PMEL: variants seen among roughly 807,000 people sequenced by gnomAD.
PMEL encodes the protein melanocyte protein PMEL.
In PMEL, 53 loss-of-function variants were observed where a neutral mutation model predicts 64.9. The observed-to-expected ratio is 0.82, with a 90% CI of 0.66 to 1.03. The LOEUF (loss-of-function observed/expected upper bound fraction) is 1.03. Among genes scored for constraint, PMEL ranks in the 50% least tolerant of loss-of-function variants. PMEL has a pLI of 0.00. For missense variants in PMEL, 716 were observed against 814.9 expected, an observed-to-expected ratio of 0.88 and a Z score of 1.48; for synonymous variants, 299 against 316.2, an observed-to-expected ratio of 0.95 and a Z score of 0.58.
intron 1 of PMEL, among the ~76,000 whole-genome samples, chr12:55,964,137 C>T (rs566739781): frequency 1.3e-5 from 2 of 151,808 alleles, no homozygotes; most frequent in South Asian, 4.2e-4. Flanking sequence ...TGCTCACCAC[C>T]AAGCCTGGCT....
At chr12:55,959,784 G>A (rs559503894) in intron 3 of PMEL, among the ~76,000 whole-genome samples, 6 of 152,190 alleles carry the variant, frequency 3.9e-5, no homozygotes, top group Admixed American at 3.3e-4. Context: ...CAGCCTGAGC[G>A]ACACAGCGAG....
chr12:55,956,261 G>T, intron 6 of PMEL, 42 bp from the exon 7 acceptor site: 2 of 1,293,462 alleles, frequency 1.5e-6, no homozygotes, highest in South Asian at 2.4e-5. Flanking sequence ...AGAGACAGAT[G>T]ACTCATCTGG....
chr12:55,964,866 C>T (rs1450049267), intron 1 of PMEL, among the ~76,000 whole-genome samples: 2 of 151,178 alleles, frequency 1.3e-5, no homozygotes, highest in Non-Finnish European at 2.9e-5. Flanking sequence ...ATCCACCCGT[C>T]TCAGCCTCTC....
At position 55,957,045 on chromosome 12, in the gene PMEL, T is replaced by G. The variant is rs1194513691; in HGVS notation, c.1258A>C (p.Thr420Pro). 6.2e-7 allele frequency: 1 copy of G among 1,614,060 alleles called. No homozygotes were observed. Among genetic ancestry groups the G allele is most frequent in the East Asian group, 2.2e-5 (1 of 44,884 alleles). Residue 420 changes from threonine (T) to proline (P), a missense_variant, in exon 6 of 11, where the codon ACT becomes CCT. Thr to Pro is a conservative substitution (Grantham distance 38). Coordinates refer to ENST00000548747, the MANE Select transcript of PMEL (RefSeq NM_001384361.1). ...GCTGTGGTCTCCACCCACTCTGTAGTTGTTACCTGTGCAGCTGTGGTTCCA... is the reference window on the plus strand; with the variant it reads ...GCTGTGGTCTCCACCCACTCTGTAGGTGTTACCTGTGCAGCTGTGGTTCCA... ...LSGTTAAQVTTTEWVETTARE... is the reference protein window; with the variant it reads ...LSGTTAAQVTPTEWVETTARE...
intron 10 of PMEL, 103 bp downstream of exon 10, chr12:55,955,171 C>A (rs1392836865): frequency 1.1e-6 from 1 of 898,150 alleles, no homozygotes; most frequent in Non-Finnish European, 1.9e-6. Flanking sequence ...TTCCTGGACA[C>A]CATGCTTCCT....
intron 10 of PMEL, 114 bp from the exon 11 acceptor site, chr12:55,954,463 T>A: frequency 9.7e-7 from 1 of 1,033,932 alleles, no homozygotes. Flanking sequence ...TGATCCTAGC[T>A]TCCTCCCCTT....
chr12:55,958,044 C>T lies in PMEL; in HGVS notation c.510G>A (p.Leu170=), dbSNP rs565556951. The T allele has an allele frequency of 2.2e-5, 36 of 1,614,210 alleles. No homozygotes were observed. In the East Asian group the frequency reaches 7.6e-4, roughly 34 times the overall value. The change falls in exon 5 of 11, where the codon CTG becomes CTA. Residue 170 remains leucine (L), a synonymous_variant. Coordinates refer to ENST00000548747, the MANE Select transcript of PMEL (RefSeq NM_001384361.1). The part of the protein sequence containing the change: ...WQVLGGPVSG[L]SIGTGRAMLG... Reference sequence around the variant, plus strand: ...GCATTGCCCTGCCTGTCCCAATGCTCAGCCCAGACACTGGGCCCCCTAGAA... The same window carrying T: ...GCATTGCCCTGCCTGTCCCAATGCTTAGCCCAGACACTGGGCCCCCTAGAA...
chr12:55,955,473 TAAGCTGGGTGCTG>T lies in PMEL; in HGVS notation c.1740_1752del (p.Thr582CysfsTer13). 1 of 1,614,016 alleles carries T rather than the reference TAAGCTGGGTGCTG, an allele frequency of 6.2e-7. No individual in the cohort carries two copies. Among genetic ancestry groups the T allele is most frequent in the Non-Finnish European group, 8.5e-7 (1 of 1,179,952 alleles). ...TTGTCCAAGGACCTACCAGGCATGATAAGCTGGGTGCTGACCACTGCCAGGCTGTTGGTATCAG... is the reference window on the plus strand; with the variant it reads ...TTGTCCAAGGACCTACCAGGCATGATACCACTGCCAGGCTGTTGGTATCAG... On this transcript the variant is annotated frameshift_variant, in exon 9 of 11. Coordinates refer to ENST00000548747, the MANE Select transcript of PMEL (RefSeq NM_001384361.1). LOFTEE classifies it high-confidence loss of function.
intron 1 of PMEL, among the ~76,000 whole-genome samples, chr12:55,964,194 C>T (rs1163120561): frequency 6.7e-6 from 1 of 149,890 alleles, no homozygotes; most frequent in African/African-American, 2.5e-5. Context: ...CTCTTGTTGC[C>T]CAGGCTGGAA....
intron 1 of PMEL, among the ~76,000 whole-genome samples, chr12:55,963,801 A>G (rs1380347129): frequency 6.6e-6 from 1 of 152,232 alleles, no homozygotes; most frequent in Non-Finnish European, 1.5e-5. Context: ...GGGCTGGGAT[A>G]TAATGTATGT....
At chr12:55,961,784 G>A in intron 1 of PMEL, 52 bp from the exon 2 acceptor site, 3 of 1,130,824 alleles carry the variant, frequency 2.7e-6, no homozygotes, top group Non-Finnish European at 2.7e-6. Context: ...TTCCTTCTCA[G>A]GGATAACACT....
rs1264096891 is a variant in PMEL at position 55,957,548 on chromosome 12, GC to G, written c.754del (p.Ala252LeufsTer18). The G allele has an allele frequency of 3.0e-5, 49 of 1,613,930 alleles. No homozygotes were observed. The highest frequency in any genetic ancestry group is 4.1e-5 in the Non-Finnish European group (48 of 1,179,980). On this transcript the variant is annotated frameshift_variant, in exon 6 of 11. Coordinates refer to ENST00000548747, the MANE Select transcript of PMEL (RefSeq NM_001384361.1). LOFTEE classifies it high-confidence loss of function. ...CCAGGTGTAGGAGAGGTCAGCTTCA[GC>G]CAGATAGCCACTGGGGTCATGGAGC... ...LQLHDPSGYLAEADLSYTWDF... is the reference protein window; with the variant it reads ...LQLHDPSGYLXEADLSYTWDF...
chr12:55,955,148 A>T, intron 10 of PMEL, 126 bp downstream of exon 10: 1 of 786,754 alleles, frequency 1.3e-6, no homozygotes, highest in African/African-American at 1.7e-5. Flanking sequence ...TCTAACTTAA[A>T]AGCCTGGGCT....
At chr12:55,956,822 A>G (rs1180742046) in intron 6 of PMEL, 127 bp downstream of exon 6, 4 of 987,128 alleles carry the variant, frequency 4.1e-6, no homozygotes, top group Non-Finnish European at 4.5e-6. Flanking sequence ...TAGCCAGGCC[A>G]GTGAGAACTC....
Position 55,966,000 on chromosome 12 carries a change from C to T in PMEL, c.12G>A (p.Val4=), listed in dbSNP as rs1889285872. 1 of 1,614,106 alleles carries T rather than the reference C, an allele frequency of 6.2e-7. No individual in the cohort carries two copies. The highest frequency in any genetic ancestry group is 1.3e-5 in the African/African-American group (1 of 74,946). The change falls in exon 1 of 11, where the codon GTG becomes GTA. Residue 4 remains valine (V), a synonymous_variant. Transcript: ENST00000548747. Reference sequence around the variant, plus strand: ...CCAAATGAAGAAGGCATCTTTTTAGCACCAGATCCATTGTGTTCTTCCCTC... The same window carrying T: ...CCAAATGAAGAAGGCATCTTTTTAGTACCAGATCCATTGTGTTCTTCCCTC... MDL[V]LKRCLLHLAV...
At chr12:55,958,444 G>C in intron 4 of PMEL, 29 bp downstream of exon 4, 1 of 1,608,526 alleles carries the variant, frequency 6.2e-7, no homozygotes. Flanking sequence ...CACAAGTGTG[G>C]ATGATAGGCT....
At position 55,959,665 on chromosome 12, in the gene PMEL, C is replaced by T. The variant is rs138646330; in HGVS notation, c.335-1058G>A. 5.1e-3 allele frequency among the ~76,000 whole-genome samples: 775 copies of T among 152,054 alleles called. 3 individuals carry two copies. The highest frequency in any genetic ancestry group is 0.01 in the Middle Eastern group (3 of 294). On this transcript the variant is annotated intron_variant, in intron 3 of 10. Transcript: ENST00000548747. ...ACTAAAAATACAAAAATTAGCCAGGCGTGCTGGCGGAAGCCTATAATCCCA... is the reference window on the plus strand; with the variant it reads ...ACTAAAAATACAAAAATTAGCCAGGTGTGCTGGCGGAAGCCTATAATCCCA...
chr12:55,954,129 T>G lies in PMEL; in HGVS notation c.*85A>C. On this transcript the variant is annotated 3_prime_UTR_variant, in exon 11 of 11. Coordinates refer to ENST00000548747, the MANE Select transcript of PMEL (RefSeq NM_001384361.1). Reference sequence around the variant, plus strand: ...ATCAGGCTCTGAGTATTTATTTCAGTTAATAGTAGTCTCCCAGGGAAGACT... The same window carrying G: ...ATCAGGCTCTGAGTATTTATTTCAGGTAATAGTAGTCTCCCAGGGAAGACT... The G allele has an allele frequency of 7.7e-7, 1 of 1,294,736 alleles. No homozygotes were observed. Among genetic ancestry groups the G allele is most frequent in the Non-Finnish European group, 1.1e-6 (1 of 933,832 alleles). The allele number at this position is 1,294,736 out of a possible 1,614,324, so 80.2% of individuals were successfully genotyped here. A position where few individuals can be genotyped will look rare whatever the true frequency, so the allele number is the denominator to read the frequency against.
rs146098515 is a variant in PMEL at position 55,956,990 on chromosome 12, C to T, written c.1313G>A (p.Gly438Asp). 441 of 1,614,088 alleles carry T rather than the reference C, an allele frequency of 2.7e-4. 1 individual carries two copies. The highest frequency in any genetic ancestry group is 3.6e-4 in the Non-Finnish European group (423 of 1,180,024). ...ARELPIPEPE[G>D]PDASSIMSTE... is the part of the protein sequence containing the mutation. ...AGACATGATTGAGCTGGCATCTGGA[C>T]CTTCAGGCTCAGGGATAGGTAGCTC... Residue 438 changes from glycine (G) to aspartate (D), a missense_variant, in exon 6 of 11, where the codon GGT becomes GAT. By Grantham distance (94) the Gly-to-Asp change is moderately conservative (BLOSUM62 -1). Coordinates refer to ENST00000548747, the MANE Select transcript of PMEL (RefSeq NM_001384361.1).
Sources: gnomAD v4.1 joint callset for allele counts (sites outside exome capture counted in the v4.1 genomes callset) on GRCh38, gnomAD v4.1.1 for gene constraint, MANE v1.5 for transcripts, NCBI Gene and HGNC (gene_info 2026-07-23, HGNC 2026-07-21) for gene names.